Variants in APTX observed in about 807,000 individuals in gnomAD.
APTX encodes the protein forkhead-associated domain histidine triad-like protein.
In APTX, 33 loss-of-function variants were observed where a neutral mutation model predicts 42.3. The observed-to-expected ratio is 0.78, with a 90% confidence interval of 0.59 to 1.04. The LOEUF is 1.04. Ranked by LOEUF, APTX falls within the 50% of genes least tolerant of loss-of-function variation. The probability of loss-of-function intolerance (pLI) is 0.00; values close to 1 mark genes in which losing one functional copy is unlikely to be tolerated. For missense variants in APTX, 421 were observed against 415.1 expected, an observed-to-expected ratio of 1.01 and a Z score of -0.12; for synonymous variants, 130 against 146.7, an observed-to-expected ratio of 0.89 and a Z score of 0.82.
chr9:32,989,996 T>C, intron 1 of APTX, 101 bp from the exon 2 acceptor site: 1 of 1,467,196 alleles, frequency 6.8e-7, no homozygotes, highest in Non-Finnish European at 9.3e-7. Flanking sequence ...TACCAGCTGT[T>C]CATCTTGAGG....
intron 1 of APTX, among the ~76,000 whole-genome samples, chr9:33,009,168 T>C (rs1455570688): frequency 6.6e-6 from 1 of 152,236 alleles, no homozygotes; most frequent in East Asian, 1.9e-4. Flanking sequence ...CTGACATTCA[T>C]ATCATTGGTG....
At chr9:33,021,961 A>T (rs1035160469) in intron 1 of APTX, among the ~76,000 whole-genome samples, 25 of 129,786 alleles carry the variant, frequency 1.9e-4, no homozygotes, top group African/African-American at 5.3e-4. Context: ...CTGTTAATTT[A>T]AAAAAAAAAA....
At chr9:32,976,377 T>TA (rs969084959) in intron 6 of APTX, among the ~76,000 whole-genome samples, 55 of 151,292 alleles carry the variant, frequency 3.6e-4, no homozygotes, top group African/African-American at 9.0e-4. Context: ...TTGAGTATAA[T>TA]AAAAAAAAAT....
chr9:32,984,873 A>G lies in APTX; in HGVS notation c.544-16T>C, dbSNP rs1563961430. On this transcript the variant is annotated splice_polypyrimidine_tract_variant and intron_variant, in intron 5 of 7. Transcript: ENST00000379817. ...CTTTGTAAACCTAGCAGAGGGATAC[A>G]AGAGAAGGAAACAGACATCTACTAA... 5.6e-6 allele frequency: 9 copies of G among 1,602,194 alleles called. No individual in the cohort carries two copies. The highest frequency in any genetic ancestry group is 7.7e-6 in the Non-Finnish European group (9 of 1,169,172).
chr9:32,990,225 C>T (rs986352802), intron 1 of APTX: 10 of 230,784 alleles, frequency 4.3e-5, no homozygotes, highest in Non-Finnish European at 6.0e-5. Context: ...CAGGCTGGCA[C>T]GCAGTGGCAC....
At chr9:32,999,119 ACT>A (rs1474411818) in intron 1 of APTX, among the ~76,000 whole-genome samples, 4 of 152,226 alleles carry the variant, frequency 2.6e-5, no homozygotes, top group Non-Finnish European at 4.4e-5. Context: ...ATCTGAGAGC[ACT>A]GACACGTAAA....
At chr9:32,974,627 A>G in intron 6 of APTX, 66 bp from the exon 7 acceptor site, 2 of 883,998 alleles carry the variant, frequency 2.3e-6, no homozygotes, top group East Asian at 2.4e-5. Context: ...CAAAATGACA[A>G]AGAGTATGAG....
At chr9:32,982,567 T>A (rs1404544491) in intron 6 of APTX, among the ~76,000 whole-genome samples, 2 of 152,220 alleles carry the variant, frequency 1.3e-5, no homozygotes, top group African/African-American at 4.8e-5. Flanking sequence ...TTTTCCTTTC[T>A]AATATGTTCA....
At chr9:32,994,270 T>G (rs1248847645) in intron 1 of APTX, among the ~76,000 whole-genome samples, 1 of 152,218 alleles carries the variant, frequency 6.6e-6, no homozygotes, top group Non-Finnish European at 1.5e-5. Flanking sequence ...CATTTTTTAC[T>G]TAATAGTTAA....
intron 5 of APTX, 82 bp from the exon 6 acceptor site, chr9:32,984,939 T>C: frequency 1.6e-6 from 2 of 1,283,972 alleles, no homozygotes; most frequent in Non-Finnish European, 2.2e-6. Flanking sequence ...ACTAAGTCAC[T>C]TAATTCCCAC....
At chr9:32,995,512 G>A (rs1376254750) in intron 1 of APTX, among the ~76,000 whole-genome samples, 1 of 152,168 alleles carries the variant, frequency 6.6e-6, no homozygotes, top group African/African-American at 2.4e-5. Flanking sequence ...TGGATGAGGA[G>A]TTGCTTCTTA....
chr9:33,000,385 G>C (rs1835976894), intron 1 of APTX, among the ~76,000 whole-genome samples: 2 of 152,146 alleles, frequency 1.3e-5, no homozygotes, highest in South Asian at 4.1e-4. Flanking sequence ...CCAACACTTT[G>C]GGAGGCCGAG....
intron 1 of APTX, among the ~76,000 whole-genome samples, chr9:32,999,837 G>A (rs1333683564): frequency 1.3e-5 from 2 of 152,176 alleles, no homozygotes; most frequent in East Asian, 1.9e-4. Context: ...TTAGCCGGGC[G>A]TGGTGGTAGA....
chr9:32,985,900 G>T, intron 5 of APTX, 71 bp downstream of exon 5: 2 of 1,320,236 alleles, frequency 1.5e-6, no homozygotes, highest in Non-Finnish European at 2.2e-6. Context: ...GATTTCATTT[G>T]TAATTAAGAC....
At chr9:33,019,599 C>T (rs780051713) in intron 1 of APTX, 9 of 374,792 alleles carry the variant, frequency 2.4e-5, no homozygotes, top group East Asian at 4.1e-5. Flanking sequence ...GAGGCCCTCC[C>T]GGGAAAGTAG....
chr9:33,019,789 C>T (rs1000475395), intron 1 of APTX: 6 of 609,478 alleles, frequency 9.8e-6, no homozygotes, highest in Admixed American at 3.2e-5. Flanking sequence ...AAATTCGGAG[C>T]AGGCAACAGT....
At chr9:33,004,869 T>C (rs530682429), upstream of APTX, among the ~76,000 whole-genome samples, 1 of 152,042 alleles carries the variant, frequency 6.6e-6, no homozygotes, top group East Asian at 1.9e-4. Flanking sequence ...CTCAAACTCC[T>C]GACCTTGTGA....
intron 1 of APTX, chr9:33,001,200 G>A: frequency 1.1e-6 from 1 of 918,688 alleles, no homozygotes; most frequent in Non-Finnish European, 1.5e-6. Context: ...TGCTGCTAAG[G>A]TCCCTCAAGT....
rs1277903122 is a variant in APTX, at chr9:32,993,477, A to G, written c.-4-3582T>C. Among the ~76,000 whole-genome samples, 8 of 152,234 alleles carry G rather than the reference A, an allele frequency of 5.3e-5. No homozygotes were observed. In the East Asian group the frequency reaches 1.5e-3, roughly 29 times the overall value. On this transcript the variant is annotated intron_variant, in intron 1 of 7. Coordinates refer to ENST00000379817, the MANE Select transcript of APTX (RefSeq NM_001195248.2). ...CATTTTCGCTTATCAATATATCTGT[A>G]GCACCTAATCTAACACTTGGCATAC...
Sources: gnomAD v4.1 joint callset for allele counts (sites outside exome capture counted in the v4.1 genomes callset) on GRCh38, gnomAD v4.1.1 for gene constraint, MANE v1.5 for transcripts, NCBI Gene and HGNC (gene_info 2026-07-23, HGNC 2026-07-21) for gene names.